The following NAV2 variants were observed in gnomAD, a reference collection of about 807,000 sequenced individuals.
The protein encoded by NAV2 is helicase, APC down-regulated 1.
Under a neutral mutation model 223.2 loss-of-function variants are expected in NAV2, and 54 were observed. That is an observed-to-expected ratio of 0.24 (90% CI 0.19 to 0.30). The LOEUF (loss-of-function observed/expected upper bound fraction) is 0.30, where lower values mean the gene tolerates loss of function less well. Ranked by LOEUF, NAV2 falls within the 10% of genes least tolerant of loss-of-function variation. The probability of loss-of-function intolerance (pLI) is 1.00; values close to 1 mark genes in which losing one functional copy is unlikely to be tolerated. For missense variants in NAV2, 2,806 were observed against 3,147.5 expected (o/e 0.89, Z 2.60); for synonymous variants, 1,279 against 1,239.3 (o/e 1.03, Z -0.67).
At chr11:19,461,301 T>C (rs1252654764) in intron 1 of NAV2, among the ~76,000 whole-genome samples, 1 of 152,158 alleles carries the variant, frequency 6.6e-6, no homozygotes, top group Admixed American at 6.5e-5. Flanking sequence ...TCCACAGGGA[T>C]TTTTATAGTG....
At chr11:19,653,107 C>A (rs1161309732) in intron 1 of NAV2, among the ~76,000 whole-genome samples, 2 of 152,190 alleles carry the variant, frequency 1.3e-5, no homozygotes, top group Admixed American at 1.3e-4. Context: ...TCAGCTCAGC[C>A]TCTCCTGCTG....
At chr11:20,003,556 C>A (rs902881420) in intron 11 of NAV2, among the ~76,000 whole-genome samples, 1 of 152,180 alleles carries the variant, frequency 6.6e-6, no homozygotes, top group African/African-American at 2.4e-5. Context: ...GACACTGCCT[C>A]TCTTGTTCTA....
At chr11:19,658,930 C>T (rs553269772) in intron 1 of NAV2, among the ~76,000 whole-genome samples, 3 of 152,308 alleles carry the variant, frequency 2.0e-5, no homozygotes, top group African/African-American at 7.2e-5. Context: ...AGGTACCTCT[C>T]TCCACTAGTC....
At chr11:19,949,656 G>C (rs148064931) in intron 10 of NAV2, among the ~76,000 whole-genome samples, 2 of 152,232 alleles carry the variant, frequency 1.3e-5, no homozygotes, top group African/African-American at 4.8e-5. Flanking sequence ...CCTGCCCTAC[G>C]CATCTCCACC....
chr11:20,039,871 G>A (rs2056751267), intron 12 of NAV2, among the ~76,000 whole-genome samples: 1 of 152,232 alleles, frequency 6.6e-6, no homozygotes, highest in South Asian at 2.1e-4. Context: ...AAGGATTCCT[G>A]TCTTGTGTGG....
intron 1 of NAV2, among the ~76,000 whole-genome samples, chr11:19,626,616 G>T (rs1303769272): frequency 6.6e-6 from 1 of 151,990 alleles, no homozygotes; most frequent in Non-Finnish European, 1.5e-5. Flanking sequence ...GACTGCTTTG[G>T]GTAGTATTGT....
intron 11 of NAV2, among the ~76,000 whole-genome samples, chr11:20,006,814 T>C (rs904045652): frequency 1.3e-5 from 2 of 151,470 alleles, no homozygotes; most frequent in Non-Finnish European, 2.9e-5. Context: ...ATCATACCAC[T>C]GCATTCCAGC....
chr11:19,814,610 T>C (rs2058997502), intron 1 of NAV2, among the ~76,000 whole-genome samples: 1 of 152,166 alleles, frequency 6.6e-6, no homozygotes, highest in Non-Finnish European at 1.5e-5. Flanking sequence ...GCTCTGGTTT[T>C]ACAATCAGAA....
At chr11:19,505,306 C>T (rs1331304807) in intron 1 of NAV2, 1 of 152,240 alleles carries the variant, frequency 6.6e-6, no homozygotes, top group Admixed American at 6.5e-5. Context: ...TGGTGGAATT[C>T]TTCTCTCATG....
chr11:19,843,195 A>G (rs549889435), intron 3 of NAV2, among the ~76,000 whole-genome samples: 1 of 152,366 alleles, frequency 6.6e-6, no homozygotes, highest in Admixed American at 6.5e-5. Context: ...AACTGGTACA[A>G]ACATATACAT....
intron 1 of NAV2, among the ~76,000 whole-genome samples, chr11:19,626,175 G>A (rs4757008): frequency 0.031 from 4,769 of 152,172 alleles, 110 homozygotes; most frequent in Middle Eastern, 0.1. Flanking sequence ...TGGGTCTTAC[G>A]TTTAGGTATT....
chr11:19,869,157 G>A (rs1371673339), intron 4 of NAV2, among the ~76,000 whole-genome samples, 160 bp downstream of exon 4: 1 of 152,176 alleles, frequency 6.6e-6, no homozygotes, highest in Non-Finnish European at 1.5e-5. Flanking sequence ...ACTTGAGGAT[G>A]CCAAGGACTC....
chr11:19,926,983 T>C (rs2153233342), intron 6 of NAV2, among the ~76,000 whole-genome samples: 1 of 152,342 alleles, frequency 6.6e-6, no homozygotes, highest in East Asian at 1.9e-4. Context: ...GAAGAAATGC[T>C]TTATTTATCT....
At chr11:19,407,830 G>A (rs1469846137) in intron 1 of NAV2, among the ~76,000 whole-genome samples, 2 of 152,098 alleles carry the variant, frequency 1.3e-5, no homozygotes, top group Non-Finnish European at 2.9e-5. Context: ...CCCGTTCTCC[G>A]GCTGGGGCAT....
rs1235104687 is a variant in NAV2, at chr11:19,820,123, G to T, written c.268-12361G>T. Among the ~76,000 whole-genome samples the T allele has an allele frequency of 3.3e-5, 5 of 152,372 alleles. No homozygotes were observed. In the South Asian group the frequency reaches 1.0e-3, roughly 32 times the overall value. On this transcript the variant is annotated intron_variant, in intron 1 of 37. Transcript: ENST00000349880. Reference sequence around the variant, plus strand: ...ACTGGATGGAGGCTACGACTTAAAAGGTCAGTTTGTGACCAGACCAGAGAG... The same window carrying T: ...ACTGGATGGAGGCTACGACTTAAAATGTCAGTTTGTGACCAGACCAGAGAG...
In NAV2 at chr11:19,853,419, C is replaced by G. The variant is rs1050660654; in HGVS notation, c.438+10496C>G. On this transcript the variant is annotated intron_variant, in intron 3 of 37. Transcript: ENST00000349880. ...GCCTTCAAGCTAGTCCAACCCGTGG[C>G]CCACAGGCCACCTGCAGCCCAGGAT... Among the ~76,000 whole-genome samples the G allele has an allele frequency of 4.6e-5, 7 of 152,230 alleles. 1 individual carries two copies. In the East Asian group the frequency reaches 1.2e-3, roughly 25 times the overall value.
chr11:19,471,768 T>C (rs139601351), intron 1 of NAV2, among the ~76,000 whole-genome samples: 3 of 152,196 alleles, frequency 2.0e-5, no homozygotes, highest in Non-Finnish European at 4.4e-5. Context: ...GTAAATCTAG[T>C]GGAGCTGCGG....
At chr11:19,939,800 G>A in intron 8 of NAV2, 27 bp downstream of exon 8, 2 of 1,577,868 alleles carry the variant, frequency 1.3e-6, no homozygotes, top group Non-Finnish European at 1.7e-6. Context: ...AGAAATCTGT[G>A]TCTGTTGGTG....
intron 6 of NAV2, among the ~76,000 whole-genome samples, chr11:19,925,620 A>G (rs1273518550): frequency 6.6e-6 from 1 of 152,032 alleles, no homozygotes; most frequent in African/African-American, 2.4e-5. Context: ...GTGGTGGTGC[A>G]TGCCTATAAT....
Sources: gnomAD v4.1 joint callset for allele counts (sites outside exome capture counted in the v4.1 genomes callset) on GRCh38, gnomAD v4.1.1 for gene constraint, MANE v1.5 for transcripts, NCBI Gene and HGNC (gene_info 2026-07-23, HGNC 2026-07-21) for gene names.